The following ANK2 variants were observed in gnomAD, a reference collection of about 807,000 sequenced individuals.
ANK2 encodes ankyrin-2.
In ANK2, 83 loss-of-function variants were observed where a neutral mutation model predicts 360.5. The observed-to-expected ratio is 0.23, with a 90% CI of 0.19 to 0.28. The LOEUF (loss-of-function observed/expected upper bound fraction) is 0.28. ANK2 is among the 10% of genes least tolerant of loss of function. The pLI, the probability that ANK2 is intolerant of heterozygous loss-of-function variation, is 1.00. For missense variants in ANK2, 4,201 were observed against 4,795.7 expected, an observed-to-expected ratio of 0.88 and a Z score of 3.66; for synonymous variants, 1,740 against 1,759.5, an observed-to-expected ratio of 0.99 and a Z score of 0.28.
Position 113,277,758 on chromosome 4 carries a change from A to G in ANK2, c.1684-79A>G. Reference sequence around the variant, plus strand: ...AATGAAGAATCAGTATACTTTGCTCAATATGTTAACAAATAAAAAGATTTT... The same window carrying G: ...AATGAAGAATCAGTATACTTTGCTCGATATGTTAACAAATAAAAAGATTTT... On this transcript the variant is annotated intron_variant, in intron 15 of 45. Coordinates refer to ENST00000357077, the MANE Select transcript of ANK2 (RefSeq NM_001148.6). 2.6e-6 allele frequency: 3 copies of G among 1,155,644 alleles called. No individual in the cohort carries two copies. The Admixed American group carries it at 5.3e-5, about 20-fold the overall frequency. The allele number at this position is 1,155,644 out of a possible 1,614,324, so 71.6% of individuals were successfully genotyped here.
chr4:113,011,615 C>G (rs533501105), intron 2 of ANK2, among the ~76,000 whole-genome samples: 3 of 152,080 alleles, frequency 2.0e-5, no homozygotes, highest in South Asian at 4.2e-4. Flanking sequence ...GTTGGTTTGT[C>G]AAGATTTCTC....
chr4:112,817,755 AT>A (rs2055804364), upstream of ANK2, among the ~76,000 whole-genome samples: 1 of 152,110 alleles, frequency 6.6e-6, no homozygotes, highest in Admixed American at 6.6e-5. Context: ...CTCCCACGGC[AT>A]TGGCATCTTG....
chr4:113,235,026 C>T (rs1413031427), intron 5 of ANK2, among the ~76,000 whole-genome samples: 1 of 152,138 alleles, frequency 6.6e-6, no homozygotes, highest in African/African-American at 2.4e-5. Context: ...CATTTTTATA[C>T]AGTATTTCTC....
chr4:113,219,519 GA>G (rs2099125807), intron 4 of ANK2, among the ~76,000 whole-genome samples: 1 of 151,794 alleles, frequency 6.6e-6, no homozygotes, highest in Non-Finnish European at 1.5e-5. Flanking sequence ...AAACAATGAA[GA>G]AAAGCCTACT....
intron 2 of ANK2, among the ~76,000 whole-genome samples, chr4:112,935,296 G>C (rs2093636978): frequency 6.6e-6 from 1 of 152,184 alleles, no homozygotes; most frequent in South Asian, 2.1e-4. Flanking sequence ...CAGATTTACT[G>C]CTTTGAAAAG....
chr4:113,109,529 G>A (rs1033878551), intron 1 of ANK2, among the ~76,000 whole-genome samples: 5 of 152,100 alleles, frequency 3.3e-5, no homozygotes, highest in Admixed American at 3.3e-4. Flanking sequence ...TGTGAAGAGG[G>A]CTCCCTATTG....
At chr4:112,935,880 C>T (rs1261336520) in intron 2 of ANK2, among the ~76,000 whole-genome samples, 4 of 151,602 alleles carry the variant, frequency 2.6e-5, no homozygotes, top group Non-Finnish European at 5.9e-5. Context: ...ACAAACTCAA[C>T]CAAGAATATA....
intron 2 of ANK2, among the ~76,000 whole-genome samples, chr4:112,939,378 C>T (rs185378809): frequency 2.9e-4 from 44 of 151,854 alleles, no homozygotes; most frequent in African/African-American, 1.0e-3. Flanking sequence ...GGTGTGATCT[C>T]GGCTCGCTGC....
the ANK2 span, among the ~76,000 whole-genome samples, chr4:112,779,706 T>A: frequency 6.6e-6 from 1 of 152,238 alleles, no homozygotes; most frequent in Non-Finnish European, 1.5e-5. Flanking sequence ...AAATGTTTTA[T>A]GGACGCATTC....
Position 113,373,347 on chromosome 4 carries a change from G to A in ANK2, c.11757G>A (p.Met3919Ile), listed in dbSNP as rs774756538. 6.2e-7 allele frequency: 1 copy of A among 1,614,186 alleles called. No individual in the cohort carries two copies. Among genetic ancestry groups the A allele is most frequent in the South Asian group, 1.1e-5 (1 of 91,082 alleles). The change falls in exon 45 of 46, where the codon ATG becomes ATA. Residue 3919 changes from methionine to isoleucine, a missense_variant. By Grantham distance (10) the Met-to-Ile change is conservative. This residue lies in a region of ANK2 where 2,642 missense variants were observed against 2,714.5 expected (regional missense o/e 0.97). Coordinates refer to ENST00000357077, the MANE Select transcript of ANK2 (RefSeq NM_001148.6). ...AAGGCACAGAGAAAGAAGAGATTAT[G>A]GTGCAGGGAATGCCACAGGAACCTG... ...SSEGTEKEEI[M>I]VQGMPQEPVN...
At chr4:113,210,043 T>G (rs2099003000) in intron 4 of ANK2, among the ~76,000 whole-genome samples, 1 of 152,208 alleles carries the variant, frequency 6.6e-6, no homozygotes, top group East Asian at 1.9e-4. Flanking sequence ...AGATGTTAGC[T>G]TTTGTGCCTA....
chr4:113,072,423 T>A (rs1477327024), intron 1 of ANK2, among the ~76,000 whole-genome samples: 1 of 152,144 alleles, frequency 6.6e-6, no homozygotes, highest in African/African-American at 2.4e-5. Context: ...GGGTGGTGGG[T>A]AGAGAGGGGC....
At chr4:112,971,475 C>G (rs1226443544) in intron 2 of ANK2, among the ~76,000 whole-genome samples, 1 of 152,064 alleles carries the variant, frequency 6.6e-6, no homozygotes, top group Non-Finnish European at 1.5e-5. Flanking sequence ...TGTGAGGAAC[C>G]AAGACCAATA....
chr4:112,975,413 G>A (rs1398498288), intron 2 of ANK2, among the ~76,000 whole-genome samples: 2 of 151,964 alleles, frequency 1.3e-5, no homozygotes, highest in Non-Finnish European at 2.9e-5. Context: ...ATATATGAAG[G>A]TTACTTGAAA....
chr4:113,344,271 A>T (rs999253877), intron 34 of ANK2, among the ~76,000 whole-genome samples: 2 of 152,214 alleles, frequency 1.3e-5, no homozygotes, highest in African/African-American at 2.4e-5. Flanking sequence ...AGATACACAG[A>T]TGGTCAATAA....
intron 22 of ANK2, among the ~76,000 whole-genome samples, chr4:113,298,881 G>C (rs2073402794): frequency 6.6e-6 from 1 of 152,108 alleles, no homozygotes; most frequent in South Asian, 2.1e-4. Context: ...TTGTTTAAAA[G>C]GAAAATATGT....
intron 1 of ANK2, among the ~76,000 whole-genome samples, chr4:113,056,630 CA>C (rs772134393): frequency 1.3e-4 from 20 of 152,070 alleles, no homozygotes; most frequent in Non-Finnish European, 2.4e-4. Flanking sequence ...GATTGCTACC[CA>C]GGGAGACAAT....
intron 9 of ANK2, among the ~76,000 whole-genome samples, chr4:113,245,125 A>C (rs1585920352): frequency 6.6e-6 from 1 of 152,212 alleles, no homozygotes; most frequent in Admixed American, 6.5e-5. Flanking sequence ...TTCATCTGTA[A>C]GTAGAAGGAT....
At chr4:112,787,985 C>G in the ANK2 span, 3 of 670,002 alleles carry the variant, frequency 4.5e-6, no homozygotes, top group Non-Finnish European at 7.9e-6. Context: ...TGAGTCATTA[C>G]AGAGGACACA....
Sources: gnomAD v4.1 joint callset for allele counts (sites outside exome capture counted in the v4.1 genomes callset) on GRCh38, gnomAD v4.1.1 for gene constraint, gnomAD v4.1.1 regional missense constraint, MANE v1.5 for transcripts, NCBI Gene and HGNC (gene_info 2026-07-23, HGNC 2026-07-21) for gene names.